The following BRI3BP variants were observed in gnomAD, a reference collection of about 807,000 sequenced individuals.
BRI3BP encodes the protein BRI3 binding protein.
Under a neutral mutation model 15.8 loss-of-function variants are expected in BRI3BP, and 7 were observed. The observed-to-expected ratio is 0.44, with a 90% confidence interval of 0.25 to 0.83. The LOEUF (loss-of-function observed/expected upper bound fraction) is 0.83. Among genes scored for constraint, BRI3BP ranks in the 40% least tolerant of loss-of-function variants. The pLI is 0.20. For synonymous variants in BRI3BP, 192 were observed against 163.5 expected (o/e 1.17, Z -1.33); for missense variants, 320 against 339.3 (o/e 0.94, Z 0.45).
At chr12:125,043,537 A>C in the BRI3BP span, among the ~76,000 whole-genome samples, 1 of 150,792 alleles carries the variant, frequency 6.6e-6, no homozygotes, top group Non-Finnish European at 1.5e-5. Flanking sequence ...ATGAGACCTC[A>C]TCTCTGCCAA....
At chr12:125,034,432 G>T (rs556201814), downstream of BRI3BP, among the ~76,000 whole-genome samples, 1 of 152,266 alleles carries the variant, frequency 6.6e-6, no homozygotes, top group East Asian at 1.9e-4. Flanking sequence ...ATGTAACTTG[G>T]ATAACGTTTC....
At chr12:124,997,309 G>A (rs1184470983) in intron 1 of BRI3BP, among the ~76,000 whole-genome samples, 3 of 135,598 alleles carry the variant, frequency 2.2e-5, no homozygotes, top group African/African-American at 5.7e-5. Context: ...TCCGCCTCCC[G>A]GATTCACGAA....
chr12:125,025,517 A>C lies in BRI3BP; in HGVS notation c.*87A>C. 6.3e-6 allele frequency: 8 copies of C among 1,279,240 alleles called. No individual in the cohort carries two copies. Among genetic ancestry groups the C allele is most frequent in the East Asian group, 2.5e-5 (1 of 39,386 alleles). The allele number at this position is 1,279,240 out of a possible 1,614,324, so 79.2% of individuals were successfully genotyped here. A position where few individuals can be genotyped will look rare whatever the true frequency, so the allele number is the denominator to read the frequency against. On this transcript the variant is annotated 3_prime_UTR_variant, in exon 3 of 3. Coordinates refer to ENST00000341446, the MANE Select transcript of BRI3BP (RefSeq NM_080626.6). ...GGAAAAAAACCCCAAACCCCAAACA[A>C]TCTTAATAAACACGACTGAGCAAGA...
chr12:125,024,202 GAA>G (rs2136000038), intron 2 of BRI3BP, among the ~76,000 whole-genome samples: 1 of 152,176 alleles, frequency 6.6e-6, no homozygotes, highest in South Asian at 2.1e-4. Context: ...CAGCAGGAGA[GAA>G]AGAGAGAGCA....
At chr12:125,012,513 A>T (rs1159294543) in intron 1 of BRI3BP, 21 bp from the exon 2 acceptor site, 3 of 1,555,712 alleles carry the variant, frequency 1.9e-6, no homozygotes, top group Non-Finnish European at 2.7e-6. Flanking sequence ...TTGGGTGATG[A>T]CCGTTTTCTT....
In BRI3BP at chr12:124,993,828, C is replaced by G; in HGVS notation, c.38C>G (p.Ala13Gly). 8.8e-7 allele frequency: 1 copy of G among 1,134,176 alleles called. No homozygotes were observed. Among genetic ancestry groups the G allele is most frequent in the Non-Finnish European group, 1.1e-6 (1 of 929,578 alleles). 70.3% of individuals were successfully genotyped at this position (1,134,176 alleles called of 1,614,324 possible). ...ARASGGPLAR[A>G]GLLLLLLLLL... is the part of the protein sequence containing the mutation. ...GCCTCAGGCGGGCCCCTGGCCCGGG[C>G]CGGGCTCCTGCTGCTGCTGCTGCTG... Residue 13 changes from alanine (A) to glycine (G), a missense_variant, in exon 1 of 3, where the codon GCC becomes GGC. Coordinates refer to ENST00000341446, the MANE Select transcript of BRI3BP (RefSeq NM_080626.6).
chr12:125,049,647 T>C, the BRI3BP span, among the ~76,000 whole-genome samples: 1 of 152,174 alleles, frequency 6.6e-6, no homozygotes, highest in African/African-American at 2.4e-5. Flanking sequence ...TAAGCTCCGA[T>C]TGGGCACGCC....
chr12:125,050,679 A>T, the BRI3BP span, among the ~76,000 whole-genome samples: 1 of 152,318 alleles, frequency 6.6e-6, no homozygotes, highest in African/African-American at 2.4e-5. Context: ...GAGGCACATA[A>T]AGGGCTTCAT....
chr12:125,014,585 C>T (rs896238958), intron 2 of BRI3BP, among the ~76,000 whole-genome samples: 4 of 152,202 alleles, frequency 2.6e-5, no homozygotes, highest in African/African-American at 9.6e-5. Context: ...CCACCAAGGA[C>T]TCCCTGCCCA....
At chr12:125,036,067 GT>G (rs1189853823), downstream of BRI3BP, among the ~76,000 whole-genome samples, 2 of 5,290 alleles carry the variant, frequency 3.8e-4, no homozygotes, top group Non-Finnish European at 0.01. Context: ...TTTTGTTTTT[GT>G]TTTTTGTTTT....
rs78509649 is a variant in BRI3BP at position 125,012,516 on chromosome 12, G to A, written c.214-18G>A. 8,577 of 1,566,098 alleles carry A rather than the reference G, an allele frequency of 5.5e-3. 347 individuals carry two copies. In the African/African-American group the frequency reaches 0.095, roughly 17 times the overall value. On this transcript the variant is annotated intron_variant, in intron 1 of 2. Transcript: ENST00000341446. Reference sequence around the variant, plus strand: ...GGAAAACAGTGATTGGGTGATGACCGTTTTCTTGTTTCTGCAGTTCTTGGC... The same window carrying A: ...GGAAAACAGTGATTGGGTGATGACCATTTTCTTGTTTCTGCAGTTCTTGGC...
At chr12:125,048,917 G>C in the BRI3BP span, among the ~76,000 whole-genome samples, 1,313 of 152,036 alleles carry the variant, frequency 8.6e-3, 21 homozygotes, top group African/African-American at 0.031. Context: ...CCCTGCCACC[G>C]GCCACAAGGT....
intron 1 of BRI3BP, among the ~76,000 whole-genome samples, chr12:124,994,511 A>T (rs1218319790): frequency 6.6e-6 from 1 of 152,102 alleles, no homozygotes; most frequent in African/African-American, 2.4e-5. Flanking sequence ...TTACAGGAAA[A>T]GAAGGGAGCA....
At chr12:125,039,029 G>A in the BRI3BP span, among the ~76,000 whole-genome samples, 2 of 152,196 alleles carry the variant, frequency 1.3e-5, no homozygotes, top group African/African-American at 4.8e-5. Context: ...GGGGGAGGTT[G>A]CAGTGAGCTG....
At chr12:125,033,364 C>T (rs1955420068), downstream of BRI3BP, among the ~76,000 whole-genome samples, 1 of 152,100 alleles carries the variant, frequency 6.6e-6, no homozygotes, top group Non-Finnish European at 1.5e-5. Flanking sequence ...TGCACTCCAA[C>T]CTGGGCGACG....
At chr12:124,995,710 C>T (rs1217560491) in intron 1 of BRI3BP, among the ~76,000 whole-genome samples, 1 of 152,202 alleles carries the variant, frequency 6.6e-6, no homozygotes, top group African/African-American at 2.4e-5. Context: ...GGTACTGTTA[C>T]TGTTCCCATT....
chr12:125,032,277 A>G (rs997681075), downstream of BRI3BP, among the ~76,000 whole-genome samples: 2 of 152,018 alleles, frequency 1.3e-5, no homozygotes, highest in African/African-American at 4.8e-5. Context: ...CCTGGCTAAC[A>G]TGGTGAAACC....
In BRI3BP at chr12:125,026,220, A is replaced by T. The variant is rs1955353628; in HGVS notation, c.*790A>T. 6.6e-6 allele frequency: 1 copy of T among 152,210 alleles called. No homozygotes were observed. Among genetic ancestry groups the T allele is most frequent in the South Asian group, 2.1e-4 (1 of 4,830 alleles). The allele number at this position is 152,210 out of a possible 1,614,324, so 9.4% of individuals were successfully genotyped here. On this transcript the variant is annotated 3_prime_UTR_variant, in exon 3 of 3. Coordinates refer to ENST00000341446, the MANE Select transcript of BRI3BP (RefSeq NM_080626.6). The stretch of plus-strand genomic sequence containing the variant: ...ATGTCCTGGGGATTTGATGCCAGGA[A>T]GTACCTGGTAAGGATTGGAGATTGC...
chr12:125,015,955 GTGT>G (rs1475390465), intron 2 of BRI3BP, among the ~76,000 whole-genome samples: 1 of 152,120 alleles, frequency 6.6e-6, no homozygotes, highest in Non-Finnish European at 1.5e-5. Flanking sequence ...CAAACTCTCT[GTGT>G]TTTCGTCGCC....
Sources: gnomAD v4.1 joint callset for allele counts (sites outside exome capture counted in the v4.1 genomes callset) on GRCh38, gnomAD v4.1.1 for gene constraint, MANE v1.5 for transcripts, NCBI Gene and HGNC (gene_info 2026-07-23, HGNC 2026-07-21) for gene names.